DMAC2L: variants seen among roughly 807,000 people sequenced by gnomAD.
The protein encoded by DMAC2L is ATP synthase subunit s, mitochondrial.
In DMAC2L, 21 loss-of-function variants were observed where a neutral mutation model predicts 22.5. The observed-to-expected ratio is 0.93, with a 90% CI of 0.66 to 1.34. DMAC2L has a LOEUF of 1.34. Ranked by LOEUF, DMAC2L falls within the 40% of genes most tolerant of loss-of-function variation. The pLI is 0.00. For missense variants in DMAC2L, 239 were observed against 246.5 expected, an observed-to-expected ratio of 0.97 and a Z score of 0.20; for synonymous variants, 86 against 89.5, an observed-to-expected ratio of 0.96 and a Z score of 0.22.
intron 2 of DMAC2L, among the ~76,000 whole-genome samples, chr14:50,315,268 TTA>T (rs2031674786): frequency 6.6e-6 from 1 of 151,094 alleles, no homozygotes; most frequent in Non-Finnish European, 1.5e-5. Flanking sequence ...GCCCAGCCTA[TTA>T]TGTCATTCTT....
chr14:50,319,173 G>A, intron 2 of DMAC2L: 1 of 1,535,104 alleles, frequency 6.5e-7, no homozygotes. Flanking sequence ...AACTAATAGA[G>A]TTATTCAAGG....
At chr14:50,312,013 G>A, upstream of DMAC2L, 1 of 1,563,438 alleles carries the variant, frequency 6.4e-7, no homozygotes, top group Non-Finnish European at 8.6e-7. Flanking sequence ...CCACTCACCT[G>A]GTGCTGGCGC....
chr14:50,322,872 C>G (rs2032398095), intron 4 of DMAC2L, 153 bp downstream of exon 4: 2 of 1,472,010 alleles, frequency 1.4e-6, no homozygotes, highest in Non-Finnish European at 1.8e-6. Flanking sequence ...TATTTATTTT[C>G]AAATTAAATT....
In DMAC2L at chr14:50,326,269, A is replaced by T; in HGVS notation, c.*546A>T. The stretch of plus-strand genomic sequence containing the variant: ...AAAAATGTAAACTAGGTAACATTTT[A>T]ATTCTAATATATTCATTTAATATGT... On this transcript the variant is annotated 3_prime_UTR_variant, in exon 6 of 6. Transcript: ENST00000557421. 2.2e-6 allele frequency: 1 copy of T among 460,016 alleles called. No individual in the cohort carries two copies. The highest frequency in any genetic ancestry group is 2.9e-6 in the Non-Finnish European group (1 of 350,432). 28.5% of individuals were successfully genotyped at this position (460,016 alleles called of 1,614,324 possible).
chr14:50,319,613 C>A (rs1213147221), intron 2 of DMAC2L, among the ~76,000 whole-genome samples: 1 of 152,306 alleles, frequency 6.6e-6, no homozygotes, highest in East Asian at 1.9e-4. Flanking sequence ...ATCAGGGCTT[C>A]AGTTTCCTCA....
At chr14:50,312,142 T>G (rs751358167), upstream of DMAC2L, 2 of 1,610,432 alleles carry the variant, frequency 1.2e-6, no homozygotes, top group South Asian at 1.1e-5. Context: ...AACGCAGCGC[T>G]GGCACCATCC....
chr14:50,322,638 A>G lies in DMAC2L; in HGVS notation c.235A>G (p.Thr79Ala). ...GCAGAAGGACTACAACCACCTTCCA[A>G]CAGGCCCTCTGGACAAATACAAGAT... ...RWQKDYNHLP[T>A]GPLDKYKIQA... is the part of the protein sequence containing the mutation. The change falls in exon 4 of 6, where the codon ACA (threonine) becomes GCA (alanine). Residue 79 changes from threonine (T) to alanine (A), a missense_variant. Thr to Ala is a moderately conservative substitution (Grantham distance 58). Coordinates refer to ENST00000557421, the MANE Select transcript of DMAC2L (RefSeq NM_001382507.1). 1.9e-6 allele frequency: 3 copies of G among 1,614,204 alleles called. No homozygotes were observed. Among genetic ancestry groups the G allele is most frequent in the Non-Finnish European group, 2.5e-6 (3 of 1,180,038 alleles).
At chr14:50,314,566 T>G in intron 1 of DMAC2L, 25 bp from the exon 2 acceptor site, 1 of 455,996 alleles carries the variant, frequency 2.2e-6, no homozygotes, top group South Asian at 1.5e-5. Flanking sequence ...CAGCCTTTTG[T>G]GTGAACCTGT....
intron 2 of DMAC2L, 52 bp downstream of exon 2, chr14:50,314,678 G>T (rs563006868): frequency 2.2e-6 from 1 of 453,368 alleles, no homozygotes; most frequent in South Asian, 1.6e-5. Context: ...GTTATGCTCT[G>T]TTGCCCAGGC....
chr14:50,320,171 G>A (rs1284595061), intron 2 of DMAC2L, among the ~76,000 whole-genome samples: 2 of 152,156 alleles, frequency 1.3e-5, no homozygotes, highest in Non-Finnish European at 2.9e-5. Flanking sequence ...TCAGCTTACT[G>A]CAATCTCTGC....
intron 1 of DMAC2L, among the ~76,000 whole-genome samples, chr14:50,313,631 C>A (rs1257974860): frequency 6.6e-6 from 1 of 152,200 alleles, no homozygotes; most frequent in Non-Finnish European, 1.5e-5. Flanking sequence ...AATAGAGATT[C>A]TGTGTACCCT....
rs1391214908 is a variant in DMAC2L at position 50,327,497 on chromosome 14, A to T, written c.*1774A>T. The T allele has an allele frequency of 8.8e-6, 1 of 113,440 alleles. No individual in the cohort carries two copies. The highest frequency in any genetic ancestry group is 1.7e-5 in the Non-Finnish European group (1 of 60,306). The allele number at this position is 113,440 out of a possible 1,614,324, so 7.0% of individuals were successfully genotyped here. A position where few individuals can be genotyped will look rare whatever the true frequency, so the allele number is the denominator to read the frequency against. On this transcript the variant is annotated 3_prime_UTR_variant, in exon 6 of 6. Coordinates refer to ENST00000557421, the MANE Select transcript of DMAC2L (RefSeq NM_001382507.1). ...TTTTTTTTTTTTGAGACAGACTCTC[A>T]CTCTGTTGCCCAGGTTGGAGTGCAG...
At chr14:50,320,646 T>C (rs1273451930) in intron 2 of DMAC2L, among the ~76,000 whole-genome samples, 2 of 152,224 alleles carry the variant, frequency 1.3e-5, no homozygotes, top group Non-Finnish European at 2.9e-5. Context: ...TCAAGTTCTG[T>C]CACTTATTTT....
At position 50,325,597 on chromosome 14, in the gene DMAC2L, C is replaced by A; in HGVS notation, c.489-12C>A. On this transcript the variant is annotated splice_polypyrimidine_tract_variant and intron_variant, in intron 5 of 5. Coordinates refer to ENST00000557421, the MANE Select transcript of DMAC2L (RefSeq NM_001382507.1). Reference sequence around the variant, plus strand: ...TTGGCCAAATTGAAGTGACTTTTTTCTTTATTTGCAGAAACCTCAAATATT... The same window carrying A: ...TTGGCCAAATTGAAGTGACTTTTTTATTTATTTGCAGAAACCTCAAATATT... 1 of 1,588,630 alleles carries A rather than the reference C, an allele frequency of 6.3e-7. No individual in the cohort carries two copies. Among genetic ancestry groups the A allele is most frequent in the Non-Finnish European group, 8.6e-7 (1 of 1,166,392 alleles).
chr14:50,319,201 C>A, intron 2 of DMAC2L: 2 of 1,535,746 alleles, frequency 1.3e-6, no homozygotes, highest in South Asian at 1.2e-5. Context: ...AGGCAGAGAG[C>A]GCTTTAACAA....
rs1298641258 is a variant in DMAC2L at position 50,322,638 on chromosome 14, A to C, written c.235A>C (p.Thr79Pro). 2 of 1,614,204 alleles carry C rather than the reference A, an allele frequency of 1.2e-6. No homozygotes were observed. Among genetic ancestry groups the C allele is most frequent in the Middle Eastern group, 1.6e-4 (1 of 6,062 alleles). The change falls in exon 4 of 6, where the codon ACA becomes CCA. Residue 79 changes from threonine to proline, a missense_variant. Thr to Pro is a conservative substitution (Grantham distance 38). Transcript: ENST00000557421. ...GCAGAAGGACTACAACCACCTTCCA[A>C]CAGGCCCTCTGGACAAATACAAGAT... ...RWQKDYNHLP[T>P]GPLDKYKIQA... is the part of the protein sequence containing the mutation.
intron 5 of DMAC2L, 142 bp downstream of exon 5, chr14:50,324,258 T>A (rs919892624): frequency 2.4e-6 from 2 of 817,770 alleles, no homozygotes; most frequent in African/African-American, 3.5e-5. Context: ...ATCTGTAATA[T>A]TTTAAAACAG....
At chr14:50,312,119 G>C (rs764666504), upstream of DMAC2L, 7 of 1,609,916 alleles carry the variant, frequency 4.3e-6, no homozygotes, top group Non-Finnish European at 5.9e-6. Flanking sequence ...CCGTCCGCAG[G>C]CACCAACCAA....
chr14:50,319,019 C>T (rs1390665775), intron 2 of DMAC2L: 13 of 985,068 alleles, frequency 1.3e-5, no homozygotes, highest in South Asian at 4.7e-5. Flanking sequence ...ATTTTTTGAG[C>T]GAATGAATGA....
Sources: gnomAD v4.1 joint callset for allele counts (sites outside exome capture counted in the v4.1 genomes callset) on GRCh38, gnomAD v4.1.1 for gene constraint, MANE v1.5 for transcripts, NCBI Gene and HGNC (gene_info 2026-07-23, HGNC 2026-07-21) for gene names.